RBFOX1: variants seen among roughly 807,000 people sequenced by gnomAD.
The protein encoded by RBFOX1 is RNA binding protein fox-1 homolog 1.
A neutral mutation model predicts 57.7 loss-of-function variants in RBFOX1; 8 were observed. The ratio of observed to expected loss-of-function variants is 0.14; its 90% CI spans 0.08 to 0.25. The LOEUF is 0.25. Ranked by LOEUF, RBFOX1 falls within the 10% of genes least tolerant of loss-of-function variation. The probability of loss-of-function intolerance (pLI) is 1.00; values close to 1 mark genes in which losing one functional copy is unlikely to be tolerated. For missense variants in RBFOX1, 611 were observed against 548.5 expected, an observed-to-expected ratio of 1.11 and a Z score of -1.14; for synonymous variants, 326 against 222.4, an observed-to-expected ratio of 1.47 and a Z score of -4.15.
intron 3 of RBFOX1, among the ~76,000 whole-genome samples, chr16:5,820,650 C>A (rs149431566): frequency 6.6e-6 from 1 of 152,292 alleles, no homozygotes; most frequent in African/African-American, 2.4e-5. Flanking sequence ...CATGAATCAG[C>A]TCTGAAATCA....
intron 4 of RBFOX1, among the ~76,000 whole-genome samples, chr16:7,184,601 G>A (rs1430248548): frequency 1.3e-5 from 2 of 152,210 alleles, no homozygotes; most frequent in African/African-American, 4.8e-5. Context: ...TTAGCAAACA[G>A]TATGGCAAGT....
chr16:6,501,831 C>T (rs77202967), intron 2 of RBFOX1, among the ~76,000 whole-genome samples: 3 of 53,876 alleles, frequency 5.6e-5, no homozygotes. Context: ...GGGGGAAATT[C>T]TTCTTGGTTT....
At chr16:6,160,000 C>A (rs569152630) in intron 1 of RBFOX1, among the ~76,000 whole-genome samples, 160 of 152,254 alleles carry the variant, frequency 1.1e-3, no homozygotes, top group African/African-American at 3.4e-3. Flanking sequence ...CCTCTTCCCA[C>A]CACAGGTCAA....
At chr16:7,114,614 G>C (rs2065485896) in intron 4 of RBFOX1, among the ~76,000 whole-genome samples, 1 of 152,168 alleles carries the variant, frequency 6.6e-6, no homozygotes, top group African/African-American at 2.4e-5. Context: ...TCTGTCATTT[G>C]AATGTTTCTG....
chr16:6,972,148 T>G (rs1036991647), intron 3 of RBFOX1, among the ~76,000 whole-genome samples: 1 of 152,196 alleles, frequency 6.6e-6, no homozygotes, highest in Admixed American at 6.5e-5. Context: ...AAGAATATAG[T>G]TCAGTAGTGT....
intron 4 of RBFOX1, among the ~76,000 whole-genome samples, chr16:7,467,019 G>T (rs528721694): frequency 6.6e-6 from 1 of 152,256 alleles, no homozygotes; most frequent in Admixed American, 6.5e-5. Context: ...GAACCAAACA[G>T]ATATGTCTCT....
At chr16:6,911,547 C>G (rs2071598549) in intron 3 of RBFOX1, among the ~76,000 whole-genome samples, 1 of 152,136 alleles carries the variant, frequency 6.6e-6, no homozygotes, top group South Asian at 2.1e-4. Flanking sequence ...ATGATGACAT[C>G]AGTCATATTG....
At chr16:5,769,248 G>A (rs948007279) in intron 3 of RBFOX1, among the ~76,000 whole-genome samples, 7 of 152,022 alleles carry the variant, frequency 4.6e-5, no homozygotes, top group East Asian at 1.9e-4. Context: ...ACCTTAGCAC[G>A]TGACCTTATT....
chr16:7,680,411 C>T (rs762135707), intron 14 of RBFOX1, among the ~76,000 whole-genome samples: 1 of 152,164 alleles, frequency 6.6e-6, no homozygotes, highest in Non-Finnish European at 1.5e-5. Context: ...TGCTTGCTAA[C>T]ACTCTTAACA....
chr16:6,970,084 A>G (rs2085191224), intron 3 of RBFOX1, among the ~76,000 whole-genome samples: 1 of 152,104 alleles, frequency 6.6e-6, no homozygotes, highest in Non-Finnish European at 1.5e-5. Flanking sequence ...AGGCTGAGGC[A>G]GGAAGATGAT....
chr16:5,603,264 C>G (rs901294748), downstream of RBFOX1, among the ~76,000 whole-genome samples: 2 of 152,228 alleles, frequency 1.3e-5, no homozygotes, highest in Non-Finnish European at 2.9e-5. Context: ...ATTGCACCCA[C>G]CATTTCACAG....
At chr16:6,328,471 G>T (rs2082632832) in intron 2 of RBFOX1, among the ~76,000 whole-genome samples, 1 of 152,032 alleles carries the variant, frequency 6.6e-6, no homozygotes, top group Admixed American at 6.6e-5. Flanking sequence ...GGCCAAATAA[G>T]CTAGGATTAT....
intron 2 of RBFOX1, among the ~76,000 whole-genome samples, chr16:6,409,654 A>C (rs116965694): frequency 6.6e-6 from 1 of 152,262 alleles, no homozygotes; most frequent in East Asian, 1.9e-4. Flanking sequence ...ACAAAATAAT[A>C]TGGTCCCCAA....
At chr16:7,379,432 A>G (rs2097747991) in intron 4 of RBFOX1, among the ~76,000 whole-genome samples, 1 of 152,256 alleles carries the variant, frequency 6.6e-6, no homozygotes, top group African/African-American at 2.4e-5. Flanking sequence ...ACTAGAAAGC[A>G]GTGGGAATGA....
chr16:6,641,778 A>AAAAAG lies in RBFOX1; in HGVS notation c.-63-12825_-63-12824insAAAAG, dbSNP rs1568006199. 2.8e-3 allele frequency among the ~76,000 whole-genome samples: 90 copies of AAAAAG among 31,786 alleles called. 5 individuals are homozygous for AAAAAG. The highest frequency in any genetic ancestry group is 3.1e-3 in the African/African-American group (26 of 8,364). 20.9% of individuals were successfully genotyped at this position (31,786 alleles called of 152,430 possible). ...AAAAAAAAAAAAAAAAAAAAAAAAA[A>AAAAAG]TAGGTTCTGCCCTGAGCCTTTCAGG... On this transcript the variant is annotated intron_variant, in intron 2 of 15. Coordinates refer to ENST00000550418, the MANE Select transcript of RBFOX1 (RefSeq NM_018723.4).
At position 7,396,577 on chromosome 16, in the gene RBFOX1, C is replaced by T. The variant is rs565770430; in HGVS notation, c.28-121570C>T. 9.5e-4 allele frequency among the ~76,000 whole-genome samples: 145 copies of T among 152,244 alleles called. 3 individuals carry two copies. In the South Asian group the frequency reaches 0.027, roughly 29 times the overall value. On this transcript the variant is annotated intron_variant, in intron 4 of 15. Transcript: ENST00000550418. ...TGCTGAGTTCTCATTCTGGACTTAACGTTACTTTAAGCTCAGTTTGTACCT... is the reference window on the plus strand; with the variant it reads ...TGCTGAGTTCTCATTCTGGACTTAATGTTACTTTAAGCTCAGTTTGTACCT...
chr16:7,477,826 A>G (rs1181293825), intron 4 of RBFOX1, among the ~76,000 whole-genome samples: 2 of 152,210 alleles, frequency 1.3e-5, no homozygotes, highest in African/African-American at 2.4e-5. Context: ...CCCTGAGTCT[A>G]GGAAAATCTT....
chr16:6,750,347 A>G (rs370293428), intron 3 of RBFOX1, among the ~76,000 whole-genome samples: 4 of 152,182 alleles, frequency 2.6e-5, no homozygotes, highest in African/African-American at 9.7e-5. Context: ...TTGGTGATAG[A>G]TGCCTTATTA....
intron 3 of RBFOX1, among the ~76,000 whole-genome samples, chr16:6,962,127 C>G (rs1397957325): frequency 2.0e-5 from 3 of 152,162 alleles, no homozygotes; most frequent in Admixed American, 6.5e-5. Context: ...ACCATATTTC[C>G]TCTGAAGTCT....
Sources: gnomAD v4.1 joint callset for allele counts (sites outside exome capture counted in the v4.1 genomes callset) on GRCh38, gnomAD v4.1.1 for gene constraint, MANE v1.5 for transcripts, NCBI Gene and HGNC (gene_info 2026-07-23, HGNC 2026-07-21) for gene names.